Variants in PLEKHG4B observed in about 807,000 individuals in gnomAD.
The protein encoded by PLEKHG4B is pleckstrin homology domain-containing family G member 4B.
PLEKHG4B carries 111 observed loss-of-function variants against 121.3 expected under a neutral mutation model. That is an observed-to-expected ratio of 0.92 (90% CI 0.78 to 1.07). The LOEUF is 1.07. Among genes scored for constraint, PLEKHG4B ranks in the 50% least tolerant of loss-of-function variants. The probability of loss-of-function intolerance (pLI) is 0.00; values close to 1 mark genes in which losing one functional copy is unlikely to be tolerated. For synonymous variants in PLEKHG4B, 738 were observed against 725.0 expected (o/e 1.02, Z -0.29); for missense variants, 1,831 against 1,757.8 (o/e 1.04, Z -0.74).
chr5:95,188 T>A (rs902478742), intron 1 of PLEKHG4B, among the ~76,000 whole-genome samples: 1 of 152,236 alleles, frequency 6.6e-6, no homozygotes, highest in East Asian at 1.9e-4. Context: ...AATTTGAATT[T>A]CTTTTACATG....
intron 2 of PLEKHG4B, among the ~76,000 whole-genome samples, chr5:136,552 C>A (rs1209929030): frequency 6.6e-6 from 1 of 152,158 alleles, no homozygotes; most frequent in Non-Finnish European, 1.5e-5. Flanking sequence ...CCAATAAGCA[C>A]ATGAAGAGAT....
chr5:164,513 TCA>T lies in PLEKHG4B; in HGVS notation c.3476+970_3476+971del, dbSNP rs1379156817. ...CTAATGCTCTGACAGGGGGCGGAGC[TCA>T]CACAGTAATGCTGTGACAGGGGGCG... On this transcript the variant is annotated intron_variant, in intron 13 of 19. Coordinates refer to ENST00000637938, the MANE Select transcript of PLEKHG4B (RefSeq NM_052909.5). 1.0e-4 allele frequency among the ~76,000 whole-genome samples: 9 copies of T among 90,050 alleles called. 2 individuals carry two copies. The highest frequency in any genetic ancestry group is 2.0e-4 in the Admixed American group (2 of 9,836). 59.1% of individuals were successfully genotyped at this position (90,050 alleles called of 152,430 possible).
chr5:188,324 G>A lies in PLEKHG4B; in HGVS notation c.*6001G>A, dbSNP rs887869611. The A allele has an allele frequency of 6.6e-6, 1 of 152,264 alleles. No homozygotes were observed. Among genetic ancestry groups the A allele is most frequent in the Non-Finnish European group, 1.5e-5 (1 of 68,108 alleles). 9.4% of individuals were successfully genotyped at this position (152,264 alleles called of 1,614,324 possible). ...TTCACACCTGCCTGATGTCCTGGGGGGGCTCACAGAGGACCGACCCTGCAG... is the reference window on the plus strand; with the variant it reads ...TTCACACCTGCCTGATGTCCTGGGGAGGCTCACAGAGGACCGACCCTGCAG... On this transcript the variant is annotated 3_prime_UTR_variant, in exon 20 of 20. Transcript: ENST00000637938.
At chr5:132,312 A>T (rs1460518132) in intron 2 of PLEKHG4B, among the ~76,000 whole-genome samples, 1 of 152,192 alleles carries the variant, frequency 6.6e-6, no homozygotes, top group Admixed American at 6.5e-5. Flanking sequence ...TGTTGGATGT[A>T]TAGATTGCAA....
rs531145631 is a variant in PLEKHG4B at position 169,258 on chromosome 5, T to C, written c.3477-82T>C. On this transcript the variant is annotated intron_variant, in intron 13 of 19. Coordinates refer to ENST00000637938, the MANE Select transcript of PLEKHG4B (RefSeq NM_052909.5). ...CTGCTCATCCCTCCGGGTTTTCATGTGTTTCTGTCTCAGGCATGAATTGCT... is the reference window on the plus strand; with the variant it reads ...CTGCTCATCCCTCCGGGTTTTCATGCGTTTCTGTCTCAGGCATGAATTGCT... 4 of 1,552,616 alleles carry C rather than the reference T, an allele frequency of 2.6e-6. No homozygotes were observed. In the East Asian group the frequency reaches 9.0e-5, roughly 35 times the overall value.
At chr5:145,219 G>T (rs765660585) in intron 6 of PLEKHG4B, among the ~76,000 whole-genome samples, 1 of 152,234 alleles carries the variant, frequency 6.6e-6, no homozygotes, top group Non-Finnish European at 1.5e-5. Context: ...AGCCAGGCCC[G>T]GGTGGTGGGC....
At chr5:144,254 C>A (rs942443534) in intron 5 of PLEKHG4B, 1 of 152,424 alleles carries the variant, frequency 6.6e-6, no homozygotes, top group African/African-American at 2.4e-5. Context: ...CCATTCTCTC[C>A]TATTAAATTT....
chr5:131,331 A>G (rs530447163), intron 2 of PLEKHG4B, among the ~76,000 whole-genome samples: 84 of 152,216 alleles, frequency 5.5e-4, no homozygotes, highest in African/African-American at 1.9e-3. Context: ...TCATTGTTCA[A>G]TTCCCACCTA....
At chr5:162,199 A>G (rs1736033314) in intron 12 of PLEKHG4B, among the ~76,000 whole-genome samples, 1 of 152,382 alleles carries the variant, frequency 6.6e-6, no homozygotes, top group East Asian at 1.9e-4. Flanking sequence ...TTACTGGCTC[A>G]GTTAGAAAAT....
chr5:145,702 A>G (rs755500206), intron 6 of PLEKHG4B, among the ~76,000 whole-genome samples: 11 of 152,160 alleles, frequency 7.2e-5, no homozygotes, highest in Non-Finnish European at 1.5e-4. Context: ...AGAGATGGGA[A>G]GCACCGGGGA....
intron 7 of PLEKHG4B, among the ~76,000 whole-genome samples, chr5:153,504 G>A (rs1209077885): frequency 6.6e-6 from 1 of 152,106 alleles, no homozygotes; most frequent in Non-Finnish European, 1.5e-5. Context: ...ATGTATGCAC[G>A]GTTCAGGGTC....
chr5:166,377 G>A (rs1356326013), intron 13 of PLEKHG4B, among the ~76,000 whole-genome samples: 20 of 102,846 alleles, frequency 1.9e-4, no homozygotes, highest in Non-Finnish European at 3.4e-4. Context: ...GACGGGGCGG[G>A]GCTCACAGTA....
Position 146,137 on chromosome 5 carries a change from C to T in PLEKHG4B, c.1905+1217C>T, listed in dbSNP as rs115722927. ...TGCAGTCCTCCCTCCTCTCTCCCAACCTGTGGTCCTCCCTCCTCTCCCCCA... is the reference window on the plus strand; with the variant it reads ...TGCAGTCCTCCCTCCTCTCTCCCAATCTGTGGTCCTCCCTCCTCTCCCCCA... On this transcript the variant is annotated intron_variant, in intron 6 of 19. Coordinates refer to ENST00000637938, the MANE Select transcript of PLEKHG4B (RefSeq NM_052909.5). Among the ~76,000 whole-genome samples, 802 of 147,346 alleles carry T rather than the reference C, an allele frequency of 5.4e-3. 8 individuals are homozygous for T. Among genetic ancestry groups the T allele is most frequent in the African/African-American group, 0.018 (696 of 39,246 alleles).
chr5:147,985 C>T (rs1342986711), intron 6 of PLEKHG4B, among the ~76,000 whole-genome samples: 4 of 151,988 alleles, frequency 2.6e-5, no homozygotes, highest in Non-Finnish European at 4.4e-5. Context: ...AACACATGAT[C>T]ATCTCAATTG....
intron 3 of PLEKHG4B, among the ~76,000 whole-genome samples, chr5:142,209 G>A (rs908864404): frequency 5.9e-5 from 9 of 152,078 alleles, no homozygotes; most frequent in Admixed American, 1.3e-4. Flanking sequence ...ACCCCTCCCC[G>A]TGGTTTCCAG....
At chr5:125,112 G>A (rs887574063) in intron 2 of PLEKHG4B, among the ~76,000 whole-genome samples, 1 of 152,136 alleles carries the variant, frequency 6.6e-6, no homozygotes, top group African/African-American at 2.4e-5. Context: ...CAGCCTGAGT[G>A]ACAGAGTGAG....
At chr5:135,962 A>G (rs1464853559) in intron 2 of PLEKHG4B, among the ~76,000 whole-genome samples, 1 of 151,900 alleles carries the variant, frequency 6.6e-6, no homozygotes, top group African/African-American at 2.4e-5. Context: ...ACACTGGCAT[A>G]AAAACAGACA....
intron 1 of PLEKHG4B, among the ~76,000 whole-genome samples, chr5:111,504 C>G (rs1406297061): frequency 6.6e-6 from 1 of 152,178 alleles, no homozygotes; most frequent in East Asian, 1.9e-4. Context: ...AGAAGGTGGC[C>G]CTGGACAGAG....
At chr5:136,043 A>G (rs774824758) in intron 2 of PLEKHG4B, among the ~76,000 whole-genome samples, 7 of 152,068 alleles carry the variant, frequency 4.6e-5, no homozygotes, top group Admixed American at 2.6e-4. Context: ...GATGTTCTAC[A>G]GGGGTGCCAA....
Sources: allele counts gnomAD v4.1 joint callset (sites outside exome capture counted in the v4.1 genomes callset), GRCh38; gene constraint gnomAD v4.1.1; transcripts MANE v1.5; gene names NCBI Gene and HGNC (gene_info 2026-07-23, HGNC 2026-07-21).